DLGAP2: variants seen among roughly 807,000 people sequenced by gnomAD.
DLGAP2 encodes the protein DLG associated protein 2.
A neutral mutation model predicts 100.3 loss-of-function variants in DLGAP2; 26 were observed. The ratio of observed to expected loss-of-function variants is 0.26; its 90% CI spans 0.19 to 0.36. DLGAP2 has a LOEUF of 0.36. Ranked by LOEUF, DLGAP2 falls within the 10% of genes least tolerant of loss-of-function variation. The pLI is 1.00. For synonymous variants in DLGAP2, 886 were observed against 630.1 expected (o/e 1.41, Z -6.08); for missense variants, 1,858 against 1,453.2 (o/e 1.28, Z -4.53).
At chr8:1,070,818 G>T (rs566010758) in intron 2 of DLGAP2, among the ~76,000 whole-genome samples, 2 of 152,280 alleles carry the variant, frequency 1.3e-5, no homozygotes, top group Admixed American at 6.5e-5. Flanking sequence ...GGCCGTCTGC[G>T]TATTCTGAGC....
intron 3 of DLGAP2, among the ~76,000 whole-genome samples, chr8:1,273,991 G>C (rs1799633364): frequency 6.6e-6 from 1 of 152,132 alleles, no homozygotes; most frequent in Non-Finnish European, 1.5e-5. Context: ...GAGTCATTCA[G>C]TAACCATTTT....
chr8:842,765 A>T (rs1183137399), intron 1 of DLGAP2, among the ~76,000 whole-genome samples: 1 of 151,976 alleles, frequency 6.6e-6, no homozygotes, highest in Admixed American at 6.6e-5. Flanking sequence ...ATTTTTCTTA[A>T]TGCATCATTT....
rs1062172 is a variant in DLGAP2, at chr8:1,702,963, G to A, written c.*1557G>A. On this transcript the variant is annotated 3_prime_UTR_variant, in exon 15 of 15. Coordinates refer to ENST00000637795, the MANE Select transcript of DLGAP2 (RefSeq NM_001346810.2). ...TGACCCCATAGCACTTTGTTTCTTC[G>A]CCTTGATTTGCACTTTACAATGTCC... is the stretch of plus-strand genomic sequence containing the variant. The A allele has an allele frequency of 0.65, 98,431 of 152,468 alleles. 32,459 individuals carry two copies. The highest frequency in any genetic ancestry group is 0.77 in the African/African-American group (31,830 of 41,468). The allele number at this position is 152,468 out of a possible 1,614,324, so 9.4% of individuals were successfully genotyped here.
chr8:932,921 C>A (rs2129003698), intron 2 of DLGAP2, among the ~76,000 whole-genome samples: 1 of 152,332 alleles, frequency 6.6e-6, no homozygotes, highest in African/African-American at 2.4e-5. Flanking sequence ...TTCCCCCTTT[C>A]CCCTCGATCT....
chr8:1,496,152 C>T (rs79228556), intron 3 of DLGAP2, among the ~76,000 whole-genome samples: 1,612 of 152,314 alleles, frequency 0.011, 29 homozygotes, highest in African/African-American at 0.037. Flanking sequence ...CGGTCACTCA[C>T]CTGCCCACAA....
chr8:1,280,833 A>G (rs1043265129), intron 3 of DLGAP2, among the ~76,000 whole-genome samples: 5 of 152,210 alleles, frequency 3.3e-5, no homozygotes, highest in African/African-American at 1.2e-4. Flanking sequence ...AATGGGACAC[A>G]TAGGCCATCC....
intron 1 of DLGAP2, among the ~76,000 whole-genome samples, chr8:749,851 G>A (rs1471766986): frequency 2.0e-5 from 3 of 152,198 alleles, no homozygotes; most frequent in Non-Finnish European, 4.4e-5. Flanking sequence ...CTCCAGAGGT[G>A]TGGGGAGGGT....
At chr8:1,064,452 A>G (rs1803182644) in intron 2 of DLGAP2, among the ~76,000 whole-genome samples, 1 of 152,230 alleles carries the variant, frequency 6.6e-6, no homozygotes, top group Non-Finnish European at 1.5e-5. Context: ...TTTCACCAGC[A>G]TTAATAACTT....
intron 4 of DLGAP2, among the ~76,000 whole-genome samples, chr8:1,544,537 T>C (rs910011638): frequency 6.6e-6 from 1 of 152,204 alleles, no homozygotes; most frequent in African/African-American, 2.4e-5. Context: ...AATAGTGTTG[T>C]ACTTTGTCAC....
At chr8:1,569,797 C>T (rs369946514) in intron 6 of DLGAP2, among the ~76,000 whole-genome samples, 2 of 152,292 alleles carry the variant, frequency 1.3e-5, no homozygotes, top group Admixed American at 6.5e-5. Context: ...TGGCACTGCT[C>T]TGTGGAGGGC....
chr8:779,532 T>C (rs2132621484), intron 1 of DLGAP2, among the ~76,000 whole-genome samples: 1 of 151,112 alleles, frequency 6.6e-6, no homozygotes, highest in East Asian at 2.0e-4. Flanking sequence ...GGTGCCATCA[T>C]AGTTCACTGC....
At chr8:1,225,959 T>A (rs1798405689) in intron 2 of DLGAP2, among the ~76,000 whole-genome samples, 1 of 152,162 alleles carries the variant, frequency 6.6e-6, no homozygotes, top group Admixed American at 6.5e-5. Context: ...TCCTTTTCAT[T>A]TTTAATATTT....
At chr8:1,376,719 C>G (rs1802398608) in intron 3 of DLGAP2, among the ~76,000 whole-genome samples, 1 of 132,240 alleles carries the variant, frequency 7.6e-6, no homozygotes, top group African/African-American at 2.8e-5. Flanking sequence ...GACCCTCAAC[C>G]TGAGCCCGGT....
At chr8:1,432,447 T>C (rs1797479320) in intron 3 of DLGAP2, among the ~76,000 whole-genome samples, 1 of 151,932 alleles carries the variant, frequency 6.6e-6, no homozygotes, top group Admixed American at 6.5e-5. Flanking sequence ...TGTCTAAATG[T>C]TTATTTGTCA....
intron 4 of DLGAP2, among the ~76,000 whole-genome samples, chr8:1,507,369 C>T (rs1799960731): frequency 6.6e-6 from 1 of 152,206 alleles, no homozygotes; most frequent in African/African-American, 2.4e-5. Context: ...CTGGGGGACC[C>T]AGCACATCCT....
chr8:1,686,927 T>C (rs1225532236), intron 12 of DLGAP2, among the ~76,000 whole-genome samples: 2 of 152,224 alleles, frequency 1.3e-5, no homozygotes, highest in Admixed American at 1.3e-4. Flanking sequence ...GTCCCAGTCA[T>C]CCTGATTTGA....
chr8:1,088,808 TCCACCC>T (rs1804067340), intron 2 of DLGAP2, among the ~76,000 whole-genome samples: 1 of 43,556 alleles, frequency 2.3e-5, no homozygotes, highest in African/African-American at 9.4e-5. Flanking sequence ...CCCCACTCTC[TCCACCC>T]CTCATCCAGC....
At position 917,526 on chromosome 8, in the gene DLGAP2, C is replaced by T. The variant is rs184009201; in HGVS notation, c.73+9560C>T. ...GTGCTGGAATTACAGGTGCGAGCTA[C>T]TGCACCCAGACTGATTCTCTTTTGT... On this transcript the variant is annotated intron_variant, in intron 2 of 14. Coordinates refer to ENST00000637795, the MANE Select transcript of DLGAP2 (RefSeq NM_001346810.2). 2.5e-3 allele frequency among the ~76,000 whole-genome samples: 375 copies of T among 152,268 alleles called. 1 individual carries two copies. Among genetic ancestry groups the T allele is most frequent in the Non-Finnish European group, 4.2e-3 (289 of 68,024 alleles).
At chr8:975,633 T>C (rs1800142760) in intron 2 of DLGAP2, among the ~76,000 whole-genome samples, 2 of 151,984 alleles carry the variant, frequency 1.3e-5, no homozygotes, top group Admixed American at 6.6e-5. Flanking sequence ...GAAGAAAAAA[T>C]TACATCATGT....
Sources: allele counts gnomAD v4.1 joint callset (sites outside exome capture counted in the v4.1 genomes callset), GRCh38; gene constraint gnomAD v4.1.1; transcripts MANE v1.5; gene names NCBI Gene and HGNC (gene_info 2026-07-23, HGNC 2026-07-21).